The following HTT variants were observed in gnomAD, a reference collection of about 807,000 sequenced individuals.
The protein encoded by HTT is huntingtin, also known as huntington disease protein.
In HTT, 104 loss-of-function variants were observed where a neutral mutation model predicts 362.3. That is an observed-to-expected ratio of 0.29 (90% confidence interval 0.24 to 0.34). HTT has a LOEUF of 0.34. Ranked by LOEUF, HTT falls within the 10% of genes least tolerant of loss-of-function variation. The pLI, the probability that HTT is intolerant of heterozygous loss-of-function variation, is 1.00. For synonymous variants in HTT, 1,577 were observed against 1,548.7 expected, an observed-to-expected ratio of 1.02 and a Z score of -0.43; for missense variants, 3,301 against 3,928.6, an observed-to-expected ratio of 0.84 and a Z score of 4.27.
In HTT at chr4:3,204,080, G is replaced by A; in HGVS notation, c.5650G>A (p.Ala1884Thr). 2.5e-6 allele frequency: 4 copies of A among 1,614,128 alleles called. No homozygotes were observed. The South Asian group carries it at 4.4e-5, about 18-fold the overall frequency. The change falls in exon 42 of 67, where the codon GCC becomes ACC. Residue 1884 changes from alanine to threonine, a missense_variant. Physicochemically the swap from Ala to Thr is moderately conservative, Grantham distance 58 (BLOSUM62 0). Transcript: ENST00000355072. ...SGEEEDSDLA[A>T]KLGMCNREIV... ...AGAAGAGGAGGATTCTGACTTGGCA[G>A]CCAAACTTGGAATGTGCAATAGAGA...
chr4:3,179,165 C>A (rs1360886990), intron 35 of HTT, among the ~76,000 whole-genome samples: 1 of 152,198 alleles, frequency 6.6e-6, no homozygotes, highest in African/African-American at 2.4e-5. Flanking sequence ...CTTTTCGACT[C>A]AGCGTGTGTG....
At chr4:3,239,028 G>C in intron 66 of HTT, 50 bp downstream of exon 66, 1 of 1,533,034 alleles carries the variant, frequency 6.5e-7, no homozygotes, top group Non-Finnish European at 8.8e-7. Flanking sequence ...TGTCAACACC[G>C]AGGCTCATGT....
At chr4:3,131,520 C>T in intron 15 of HTT, 118 bp from the exon 16 acceptor site, 4 of 1,520,798 alleles carry the variant, frequency 2.6e-6, no homozygotes, top group Non-Finnish European at 2.7e-6. Context: ...GTTTGGTTTT[C>T]ACTAGCCGAG....
intron 2 of HTT, among the ~76,000 whole-genome samples, chr4:3,091,625 C>T (rs1196547012): frequency 6.6e-6 from 1 of 152,160 alleles, no homozygotes; most frequent in Non-Finnish European, 1.5e-5. Flanking sequence ...CCTTGTTCTC[C>T]GACTCCCAGC....
chr4:3,236,472 C>T (rs1380824565), intron 64 of HTT, among the ~76,000 whole-genome samples: 1 of 152,146 alleles, frequency 6.6e-6, no homozygotes, highest in East Asian at 1.9e-4. Flanking sequence ...TGACCAGTTC[C>T]AAGGTTGTCC....
chr4:3,201,675 C>T (rs931065291), intron 41 of HTT, among the ~76,000 whole-genome samples: 7 of 151,992 alleles, frequency 4.6e-5, no homozygotes, highest in African/African-American at 7.3e-5. Flanking sequence ...AAGGTGTCCC[C>T]GTGGTGGAAG....
rs78828779 is a variant in HTT at position 3,175,897 on chromosome 4, C to A, written c.4407+790C>A. Among the ~76,000 whole-genome samples the A allele has an allele frequency of 6.1e-3, 927 of 152,218 alleles. 11 individuals carry two copies. The highest frequency in any genetic ancestry group is 0.021 in the African/African-American group (872 of 41,510). On this transcript the variant is annotated intron_variant, in intron 33 of 66. Transcript: ENST00000355072. ...TCCTTCTAGACGTAAATCTGTTAAT[C>A]CTGTCAGCACTGTTACTCACCTGAA...
At chr4:3,153,323 G>A (rs928287008) in intron 26 of HTT, among the ~76,000 whole-genome samples, 11 of 152,106 alleles carry the variant, frequency 7.2e-5, no homozygotes, top group Admixed American at 2.6e-4. Flanking sequence ...TAAATTTGGG[G>A]GACTATAGAC....
chr4:3,092,265 G>C (rs1047768995), intron 2 of HTT, among the ~76,000 whole-genome samples: 1 of 152,124 alleles, frequency 6.6e-6, no homozygotes. Flanking sequence ...CTCATGATCC[G>C]CGCCCCTCGG....
rs763416856 is a variant in HTT, at chr4:3,207,000, C to T, written c.6075+17C>T. ...AATTTACAGGTATTGGGAAGAGAAA[C>T]CCTGATATTGATTTATATTGAAAAT... On this transcript the variant is annotated intron_variant, in intron 44 of 66. Coordinates refer to ENST00000355072, the MANE Select transcript of HTT (RefSeq NM_001388492.1). The surrounding 1 kb of genome is among the most constrained non-coding windows in gnomAD (Gnocchi z 4.6). The T allele has an allele frequency of 1.0e-5, 16 of 1,590,792 alleles. No individual in the cohort carries two copies. The highest frequency in any genetic ancestry group is 1.3e-5 in the Non-Finnish European group (15 of 1,169,302).
intron 8 of HTT, 122 bp downstream of exon 8, chr4:3,116,385 C>T: frequency 1.2e-6 from 1 of 816,186 alleles, no homozygotes. Context: ...AGCTGCGCTG[C>T]TCGTTTCCAA....
chr4:3,104,876 C>T (rs983351356), intron 4 of HTT, among the ~76,000 whole-genome samples: 1 of 152,078 alleles, frequency 6.6e-6, no homozygotes. Flanking sequence ...TGCCCTTCAG[C>T]CTGGGCGACC....
chr4:3,198,346 T>C (rs929861774), intron 40 of HTT, among the ~76,000 whole-genome samples: 16 of 146,198 alleles, frequency 1.1e-4, no homozygotes, highest in African/African-American at 4.0e-4. Flanking sequence ...TGCTCCCGCC[T>C]CCCAAATACC....
intron 26 of HTT, among the ~76,000 whole-genome samples, chr4:3,150,495 A>C (rs1716821738): frequency 1.3e-5 from 2 of 151,978 alleles, no homozygotes; most frequent in Non-Finnish European, 1.5e-5. Context: ...TGATTTGTGG[A>C]TATGTCAGAC....
intron 2 of HTT, 94 bp downstream of exon 2, chr4:3,087,116 A>C: frequency 1.5e-6 from 1 of 656,502 alleles, no homozygotes; most frequent in South Asian, 2.3e-5. Flanking sequence ...AGCTATTTTA[A>C]ATGGATTCAG....
chr4:3,087,016 C>T lies in HTT; in HGVS notation c.341C>T (p.Ser114Phe). Residue 114 changes from serine to phenylalanine, a missense_variant, in exon 2 of 67, where the codon TCT (serine) becomes TTT (phenylalanine). Around this residue, in one of 4 missense-constraint regions of HTT, gnomAD observed 2,316 missense variants for 2,658.5 expected, o/e 0.87. Coordinates refer to ENST00000355072, the MANE Select transcript of HTT (RefSeq NM_001388492.1). Reference protein sequence around the residue: ...LTICENIVAQSVRNSPEFQKL... With the variant: ...LTICENIVAQFVRNSPEFQKL... Reference sequence around the variant, plus strand: ...ATATGTGAAAACATAGTGGCACAGTCTGTCAGGTAATTGCACTTTGAACTG... The same window carrying T: ...ATATGTGAAAACATAGTGGCACAGTTTGTCAGGTAATTGCACTTTGAACTG... 3 of 1,580,420 alleles carry T rather than the reference C, an allele frequency of 1.9e-6. No homozygotes were observed. Among genetic ancestry groups the T allele is most frequent in the Non-Finnish European group, 2.6e-6 (3 of 1,149,988 alleles).
intron 8 of HTT, among the ~76,000 whole-genome samples, chr4:3,118,421 T>A (rs1406394602): frequency 6.6e-6 from 1 of 152,132 alleles, no homozygotes; most frequent in African/African-American, 2.4e-5. Context: ...AGAAGTTCAG[T>A]CATGAGCCGT....
chr4:3,137,556 G>A (rs576736908), intron 21 of HTT, among the ~76,000 whole-genome samples: 43 of 152,228 alleles, frequency 2.8e-4, no homozygotes, highest in Middle Eastern at 3.4e-3. Flanking sequence ...AAAATTAGTC[G>A]GATGTGGTGG....
chr4:3,143,772 T>G (rs1373949087), intron 23 of HTT, among the ~76,000 whole-genome samples: 1 of 151,742 alleles, frequency 6.6e-6, no homozygotes, highest in Non-Finnish European at 1.5e-5. Flanking sequence ...CCCGGCTAAT[T>G]TTGTATTTTT....
Sources: gnomAD v4.1 joint callset for allele counts (sites outside exome capture counted in the v4.1 genomes callset) on GRCh38, gnomAD v4.1.1 for gene constraint, gnomAD v4.1.1 regional missense constraint, Gnocchi (gnomAD v3.1) non-coding constraint, MANE v1.5 for transcripts, NCBI Gene and HGNC (gene_info 2026-07-23, HGNC 2026-07-21) for gene names.